GSAP: variants seen among roughly 807,000 people sequenced by gnomAD.
GSAP encodes gamma-secretase activating protein.
Under a neutral mutation model 131.7 loss-of-function variants are expected in GSAP, and 118 were observed. That is an observed-to-expected ratio of 0.90 (90% CI 0.77 to 1.04). The LOEUF (loss-of-function observed/expected upper bound fraction) is 1.04. Among genes scored for constraint, GSAP ranks in the 50% least tolerant of loss-of-function variants. The pLI is 0.00. For synonymous variants in GSAP, 381 were observed against 363.4 expected, an observed-to-expected ratio of 1.05 and a Z score of -0.55; for missense variants, 1,019 against 1,013.2, an observed-to-expected ratio of 1.01 and a Z score of -0.08.
At chr7:77,367,356 T>C (rs1795477724) in intron 12 of GSAP, among the ~76,000 whole-genome samples, 1 of 152,232 alleles carries the variant, frequency 6.6e-6, no homozygotes, top group Non-Finnish European at 1.5e-5. Flanking sequence ...TTGTCATAGA[T>C]GGCTATTATT....
intron 12 of GSAP, among the ~76,000 whole-genome samples, chr7:77,372,687 C>A (rs574709919): frequency 3.9e-5 from 6 of 152,354 alleles, no homozygotes; most frequent in Admixed American, 3.9e-4. Context: ...ATGTTCATTA[C>A]ATTTTTGAAC....
At chr7:77,380,936 T>TA (rs968500487) in intron 8 of GSAP, among the ~76,000 whole-genome samples, 5 of 152,276 alleles carry the variant, frequency 3.3e-5, no homozygotes, top group Admixed American at 3.3e-4. Flanking sequence ...AAGCAAAAAG[T>TA]AAACACAAAA....
At chr7:77,338,391 G>A (rs1185441425) in intron 19 of GSAP, among the ~76,000 whole-genome samples, 3 of 152,124 alleles carry the variant, frequency 2.0e-5, no homozygotes, top group African/African-American at 2.4e-5. Context: ...TTTATAAGAT[G>A]AGGAAGTCCT....
chr7:77,313,496 G>T lies in GSAP; in HGVS notation c.2263C>A (p.Leu755Ile). The T allele has an allele frequency of 1.3e-6, 2 of 1,549,604 alleles. No homozygotes were observed. The highest frequency in any genetic ancestry group is 1.8e-6 in the Non-Finnish European group (2 of 1,122,746). The part of the protein sequence containing the change: ...EKLKFSIIVR[L>I]PPLIGQKICR... ...ATGTAACTCAGTATTACCGGAGGAA[G>T]CCGCACAATGATACTGAATTTCAGT... Residue 755 changes from leucine to isoleucine, a missense_variant, in exon 28 of 31, where the codon CTT (leucine) becomes ATT (isoleucine). By Grantham distance (5) the Leu-to-Ile change is conservative (BLOSUM62 2). Coordinates refer to ENST00000257626, the MANE Select transcript of GSAP (RefSeq NM_017439.4).
At position 77,355,652 on chromosome 7, in the gene GSAP, AG is replaced by A. The variant is rs760564645; in HGVS notation, c.1028-6del. 11 of 1,473,784 alleles carry A rather than the reference AG, an allele frequency of 7.5e-6. No homozygotes were observed. Among genetic ancestry groups the A allele is most frequent in the Non-Finnish European group, 1.0e-5 (11 of 1,052,290 alleles). The allele number at this position is 1,473,784 out of a possible 1,614,324, so 91.3% of individuals were successfully genotyped here. ...AGTAAACAGCCACATAATAGTCTAT[AG>A]AAGAGAAAGATTTACATCATCTACA... On this transcript the variant is annotated splice_polypyrimidine_tract_variant and splice_region_variant and intron_variant, in intron 14 of 30. Transcript: ENST00000257626.
rs572514479 is a variant in GSAP, at chr7:77,377,031, T to C, written c.682-124A>G. The C allele has an allele frequency of 2.1e-4, 139 of 672,500 alleles. 2 individuals carry two copies. The South Asian group carries it at 2.8e-3, about 13-fold the overall frequency. 41.7% of individuals were successfully genotyped at this position (672,500 alleles called of 1,614,324 possible). A position where few individuals can be genotyped will look rare whatever the true frequency, so the allele number is the denominator to read the frequency against. ...AATGATTAGTGAACTGCAGTAATAA[T>C]AATGTCAAAATCAAATTGTTCTTAT... On this transcript the variant is annotated intron_variant, in intron 9 of 30. Coordinates refer to ENST00000257626, the MANE Select transcript of GSAP (RefSeq NM_017439.4).
intron 27 of GSAP, among the ~76,000 whole-genome samples, chr7:77,313,983 T>C (rs1361066365): frequency 2.0e-5 from 3 of 152,180 alleles, no homozygotes; most frequent in Non-Finnish European, 2.9e-5. Flanking sequence ...GACATTTTCT[T>C]GAGAAACAAG....
At chr7:77,325,599 C>T (rs1788222175) in intron 23 of GSAP, among the ~76,000 whole-genome samples, 1 of 152,160 alleles carries the variant, frequency 6.6e-6, no homozygotes. Context: ...GAGACGGAGT[C>T]TCCCTCTGTC....
Position 77,311,287 on chromosome 7 carries a change from G to A in GSAP, c.*71C>T, listed in dbSNP as rs878869878. The stretch of plus-strand genomic sequence containing the variant: ...GTTACCAATTTTAAATATTGTTAAA[G>A]AATTCTCAAAGGAGTAAGGTTAATG... On this transcript the variant is annotated 3_prime_UTR_variant, in exon 31 of 31. Transcript: ENST00000257626. 9 of 895,798 alleles carry A rather than the reference G, an allele frequency of 1.0e-5. No individual in the cohort carries two copies. In the South Asian group the frequency reaches 1.1e-4, roughly 11 times the overall value. 55.5% of individuals were successfully genotyped at this position (895,798 alleles called of 1,614,324 possible). A position where few individuals can be genotyped will look rare whatever the true frequency, so the allele number is the denominator to read the frequency against.
chr7:77,332,777 T>C lies in GSAP; in HGVS notation c.1546-2410A>G, dbSNP rs974426611. The stretch of plus-strand genomic sequence containing the variant: ...TAGGAGGGGGGTCACTGGCCTAATA[T>C]AGATATTAGATATATCTATAATATC... On this transcript the variant is annotated intron_variant, in intron 19 of 30. Coordinates refer to ENST00000257626, the MANE Select transcript of GSAP (RefSeq NM_017439.4). Among the ~76,000 whole-genome samples, 4 of 152,202 alleles carry C rather than the reference T, an allele frequency of 2.6e-5. No individual in the cohort carries two copies. In the East Asian group the frequency reaches 7.7e-4, roughly 29 times the overall value.
chr7:77,312,671 T>C (rs1794528937), intron 28 of GSAP, among the ~76,000 whole-genome samples: 1 of 152,242 alleles, frequency 6.6e-6, no homozygotes. Context: ...ATGGAAAATA[T>C]GCTTTGTTTT....
chr7:77,323,738 AC>A lies in GSAP; in HGVS notation c.1831del (p.Val611CysfsTer4). The stretch of plus-strand genomic sequence containing the variant: ...CAAAAAATGGTCTTTTAGCTCAGAC[AC>A]CATCTGAAAACAGGATATGCATTAA... Reference protein sequence around the residue: ...SHQRLLMGLMVSELKDHFLRH... With the variant: ...SHQRLLMGLMXSELKDHFLRH... On this transcript the variant is annotated frameshift_variant, in exon 24 of 31. Coordinates refer to ENST00000257626, the MANE Select transcript of GSAP (RefSeq NM_017439.4). LOFTEE classifies it high-confidence loss of function. 1.3e-6 allele frequency: 2 copies of A among 1,551,066 alleles called. No individual in the cohort carries two copies. Among genetic ancestry groups the A allele is most frequent in the Non-Finnish European group, 1.8e-6 (2 of 1,126,812 alleles).
Position 77,388,264 on chromosome 7 carries a change from A to G in GSAP, c.368-816T>C, listed in dbSNP as rs1186005456. Among the ~76,000 whole-genome samples, 3 of 152,216 alleles carry G rather than the reference A, an allele frequency of 2.0e-5. No individual in the cohort carries two copies. In the East Asian group the frequency reaches 5.8e-4, roughly 29 times the overall value. On this transcript the variant is annotated intron_variant, in intron 5 of 30. Transcript: ENST00000257626. ...CCTCTAGGCTTTTAAGTCTAAACAA[A>G]CACAGTGCGATTCTCTGTCACTCCA...
At chr7:77,371,161 A>C (rs1410614446) in intron 12 of GSAP, among the ~76,000 whole-genome samples, 1 of 152,102 alleles carries the variant, frequency 6.6e-6, no homozygotes, top group East Asian at 1.9e-4. Context: ...CAAAACTCAC[A>C]ATCTTCCTAA....
At chr7:77,314,247 G>T in intron 27 of GSAP, 123 bp downstream of exon 27, 1 of 920,208 alleles carries the variant, frequency 1.1e-6, no homozygotes. Flanking sequence ...GCATTAAACT[G>T]AGCAGGGCAC....
intron 19 of GSAP, among the ~76,000 whole-genome samples, chr7:77,344,025 T>TGTG (rs1218924339): frequency 2.6e-5 from 4 of 152,326 alleles, no homozygotes; most frequent in African/African-American, 9.6e-5. Context: ...TTTACTCACA[T>TGTG]GCCCGGAGTC....
chr7:77,391,171 T>C (rs1799473851), intron 5 of GSAP, among the ~76,000 whole-genome samples: 1 of 139,316 alleles, frequency 7.2e-6, no homozygotes, highest in South Asian at 2.3e-4. Flanking sequence ...AATAACCATA[T>C]ATTTGGCTTT....
chr7:77,320,786 A>G lies in GSAP; in HGVS notation c.2028T>C (p.Val676=). 6.2e-7 allele frequency: 1 copy of G among 1,612,558 alleles called. No individual in the cohort carries two copies. The highest frequency in any genetic ancestry group is 1.6e-4 in the Middle Eastern group (1 of 6,062). ...CCAGAATCCTGGTCATGATGTGAAA[A>G]ACTGCAAATTCAGCAGCACTGCCAC... is the stretch of plus-strand genomic sequence containing the variant. The part of the protein sequence containing the change: ...NSRGSAAEFA[V]FHIMTRILEA... Residue 676 remains valine, a synonymous_variant, in exon 26 of 31, where the codon GTT becomes GTC. Transcript: ENST00000257626.
intron 19 of GSAP, among the ~76,000 whole-genome samples, chr7:77,339,418 T>A (rs1177404491): frequency 7.9e-5 from 12 of 152,148 alleles, no homozygotes; most frequent in Admixed American, 7.9e-4. Context: ...TTCTCCTGAG[T>A]CCAGGGCTAG....
Sources: allele counts gnomAD v4.1 joint callset (sites outside exome capture counted in the v4.1 genomes callset), GRCh38; gene constraint gnomAD v4.1.1; transcripts MANE v1.5; gene names NCBI Gene and HGNC (gene_info 2026-07-23, HGNC 2026-07-21).